NPNT: variants seen among roughly 807,000 people sequenced by gnomAD.
NPNT encodes preosteoblast EGF-like repeat protein with MAM domain.
In NPNT, 45 loss-of-function variants were observed where a neutral mutation model predicts 68.6. The ratio of observed to expected loss-of-function variants is 0.66; its 90% CI spans 0.52 to 0.84. The LOEUF (loss-of-function observed/expected upper bound fraction) is 0.84. NPNT is among the 40% of genes least tolerant of loss of function. NPNT has a pLI of 0.00. For synonymous variants in NPNT, 233 were observed against 253.3 expected (o/e 0.92, Z 0.76); for missense variants, 672 against 714.8 (o/e 0.94, Z 0.68).
chr4:105,918,401 T>C (rs1727987248), intron 2 of NPNT, among the ~76,000 whole-genome samples: 1 of 152,192 alleles, frequency 6.6e-6, no homozygotes, highest in Non-Finnish European at 1.5e-5. Flanking sequence ...CTGCTCAAAA[T>C]TACAGTATCA....
At chr4:105,958,727 C>T (rs370736035) in intron 9 of NPNT, among the ~76,000 whole-genome samples, 170 bp downstream of exon 9, 7 of 152,136 alleles carry the variant, frequency 4.6e-5, no homozygotes, top group African/African-American at 1.7e-4. Flanking sequence ...AATTATGAAT[C>T]ATTTTCTTTT....
intron 7 of NPNT, among the ~76,000 whole-genome samples, 173 bp from the exon 8 acceptor site, chr4:105,942,134 T>TAGAG (rs752214073): frequency 2.1e-4 from 3 of 14,346 alleles, no homozygotes; most frequent in African/African-American, 5.0e-4. Flanking sequence ...TATATATATA[T>TAGAG]ATACACACAT....
rs780402797 is a variant in NPNT, at chr4:105,967,301, C to T, written c.1459C>T (p.His487Tyr). The T allele has an allele frequency of 3.1e-6, 5 of 1,613,984 alleles. No homozygotes were observed. In the South Asian group the frequency reaches 5.5e-5, roughly 18 times the overall value. The change falls in exon 11 of 12, where the codon CAC becomes TAC. Residue 487 changes from histidine to tyrosine, a missense_variant. Transcript: ENST00000379987. ...AGGGGACCTGTGCCTGTCATTCAGG[C>T]ACAAGGTGACGGGGCTGCACTCTGG... ...HSGDLCLSFRHKVTGLHSGTL... is the reference protein window; with the variant it reads ...HSGDLCLSFRYKVTGLHSGTL...
Position 105,969,468 on chromosome 4 carries a change from CT to C in NPNT, c.*480del, listed in dbSNP as rs1316163272. On this transcript the variant is annotated 3_prime_UTR_variant, in exon 12 of 12. Transcript: ENST00000379987. ...TTGTGAAATTGACTTACCCTCTTCA[CT>C]TAAGTTAGTTCTGGCCTGACCTGAA... The C allele has an allele frequency of 6.5e-6, 1 of 152,798 alleles. No homozygotes were observed. Among genetic ancestry groups the C allele is most frequent in the East Asian group, 1.9e-4 (1 of 5,216 alleles). 9.5% of individuals were successfully genotyped at this position (152,798 alleles called of 1,614,324 possible).
intron 11 of NPNT, among the ~76,000 whole-genome samples, chr4:105,968,461 A>G (rs548983987): frequency 3.3e-5 from 5 of 152,246 alleles, no homozygotes; most frequent in Non-Finnish European, 7.3e-5. Flanking sequence ...ATTCTATTCC[A>G]TTTTCAGCAA....
rs776181375 is a variant in NPNT at position 105,942,538 on chromosome 4, C to T, written c.995C>T (p.Pro332Leu). ...PTPIPTPPPPPPLPTELRTPL... is the reference protein window; with the variant it reads ...PTPIPTPPPPLPLPTELRTPL... ...CCAATTCCTACTCCACCACCACCACCACCCCTGCCAACAGAGCTCAGAACA... is the reference window on the plus strand; with the variant it reads ...CCAATTCCTACTCCACCACCACCACTACCCCTGCCAACAGAGCTCAGAACA... The change falls in exon 8 of 12, where the codon CCA becomes CTA. Residue 332 changes from proline (P) to leucine (L), a missense_variant. Transcript: ENST00000379987. 1.7e-5 allele frequency: 28 copies of T among 1,613,974 alleles called. No homozygotes were observed. In the South Asian group the frequency reaches 3.1e-4, roughly 18 times the overall value.
At chr4:105,926,030 T>C (rs978175505) in intron 2 of NPNT, among the ~76,000 whole-genome samples, 1 of 152,210 alleles carries the variant, frequency 6.6e-6, no homozygotes, top group African/African-American at 2.4e-5. Context: ...CCCATCTCTT[T>C]AGCTTAATGA....
At chr4:105,917,138 ATTTGAGTAGAAGCC>A (rs1407983289) in intron 2 of NPNT, among the ~76,000 whole-genome samples, 7 of 152,276 alleles carry the variant, frequency 4.6e-5, no homozygotes, top group Admixed American at 4.6e-4. Context: ...AATCTTGATT[ATTTGAGTAGAAGCC>A]TTTTCAGGCT....
At chr4:105,962,808 T>C (rs1367813462) in intron 10 of NPNT, among the ~76,000 whole-genome samples, 1 of 152,108 alleles carries the variant, frequency 6.6e-6, no homozygotes, top group Non-Finnish European at 1.5e-5. Context: ...AAGCTTACCT[T>C]TTCATGGTTT....
intron 8 of NPNT, among the ~76,000 whole-genome samples, chr4:105,946,360 T>G (rs1730385066): frequency 6.6e-6 from 1 of 152,196 alleles, no homozygotes; most frequent in Admixed American, 6.6e-5. Context: ...AAGTGTGATA[T>G]CCTTAGGAGG....
intron 3 of NPNT, among the ~76,000 whole-genome samples, chr4:105,930,172 G>A (rs1728998335): frequency 6.6e-6 from 1 of 152,156 alleles, no homozygotes; most frequent in African/African-American, 2.4e-5. Context: ...TGATGGCAAG[G>A]TTTATGCTCC....
intron 8 of NPNT, among the ~76,000 whole-genome samples, chr4:105,948,844 C>A (rs1413388111): frequency 6.6e-6 from 1 of 152,104 alleles, no homozygotes; most frequent in Non-Finnish European, 1.5e-5. Context: ...GGAATCCTCC[C>A]ACCTTGGCCT....
intron 8 of NPNT, among the ~76,000 whole-genome samples, chr4:105,955,821 T>G (rs1054828275): frequency 6.6e-5 from 10 of 152,114 alleles, no homozygotes; most frequent in African/African-American, 2.4e-4. Context: ...GTGGGTAGTT[T>G]TTTTTCTCTT....
intron 8 of NPNT, among the ~76,000 whole-genome samples, 162 bp downstream of exon 8, chr4:105,942,864 G>T (rs937038908): frequency 6.6e-6 from 1 of 152,220 alleles, no homozygotes; most frequent in Non-Finnish European, 1.5e-5. Context: ...TAAAGAGTCA[G>T]TCTAATTGGG....
intron 2 of NPNT, among the ~76,000 whole-genome samples, chr4:105,901,162 C>T (rs72960953): frequency 0.042 from 6,405 of 152,172 alleles, 438 homozygotes; most frequent in African/African-American, 0.14. Context: ...ACCTCTGTAA[C>T]AAAGATTTTT....
intron 8 of NPNT, among the ~76,000 whole-genome samples, chr4:105,955,897 A>G (rs1307556033): frequency 2.6e-5 from 4 of 152,098 alleles, no homozygotes; most frequent in African/African-American, 9.7e-5. Context: ...AATTAGTTAA[A>G]TAATTTGGTA....
At chr4:105,949,001 C>T (rs536135323) in intron 8 of NPNT, among the ~76,000 whole-genome samples, 1 of 152,168 alleles carries the variant, frequency 6.6e-6, no homozygotes, top group Admixed American at 6.5e-5. Flanking sequence ...ATGATTTGAG[C>T]AACACTAAAG....
At chr4:105,899,035 C>A (rs375630872) in intron 2 of NPNT, among the ~76,000 whole-genome samples, 147 of 152,160 alleles carry the variant, frequency 9.7e-4, no homozygotes, top group African/African-American at 3.5e-3. Context: ...GAGAAGCCTG[C>A]CTTAGAGATG....
At chr4:105,911,400 A>G (rs772755677) in intron 2 of NPNT, among the ~76,000 whole-genome samples, 3 of 152,132 alleles carry the variant, frequency 2.0e-5, no homozygotes, top group Non-Finnish European at 4.4e-5. Flanking sequence ...ACAAATAAAT[A>G]TACAATTGTA....
Sources: allele counts gnomAD v4.1 joint callset (sites outside exome capture counted in the v4.1 genomes callset), GRCh38; gene constraint gnomAD v4.1.1; transcripts MANE v1.5; gene names NCBI Gene and HGNC (gene_info 2026-07-23, HGNC 2026-07-21).